The following RANBP2 variants were observed in gnomAD, a reference collection of about 807,000 sequenced individuals.
RANBP2 encodes the protein RAN binding protein 2, also known as E3 SUMO-protein ligase RanBP2.
RANBP2 carries 57 observed loss-of-function variants against 303.6 expected under a neutral mutation model. The ratio of observed to expected loss-of-function variants is 0.19; its 90% confidence interval spans 0.15 to 0.23. RANBP2 has a LOEUF of 0.23. RANBP2 is among the 10% of genes least tolerant of loss of function. The probability of loss-of-function intolerance (pLI) is 1.00; values close to 1 mark genes in which losing one functional copy is unlikely to be tolerated. For missense variants in RANBP2, 3,138 were observed against 3,780.8 expected (o/e 0.83, Z 4.46); for synonymous variants, 1,167 against 1,301.5 (o/e 0.90, Z 2.23).
the RANBP2 span, among the ~76,000 whole-genome samples, chr2:109,531,411 C>T: frequency 5.3e-5 from 8 of 152,154 alleles, no homozygotes; most frequent in South Asian, 4.1e-4. Flanking sequence ...TCTGGCACTG[C>T]GCACTTACAA....
the RANBP2 span, among the ~76,000 whole-genome samples, chr2:109,608,929 A>G: frequency 6.6e-6 from 1 of 152,228 alleles, no homozygotes; most frequent in East Asian, 1.9e-4. Flanking sequence ...GATAAATCAC[A>G]TTAATATGGT....
the RANBP2 span, among the ~76,000 whole-genome samples, chr2:109,237,608 AT>A: frequency 3.9e-5 from 6 of 152,132 alleles, no homozygotes; most frequent in East Asian, 7.7e-4. Flanking sequence ...GTGTGTGTGA[AT>A]TTTTTTTAAA....
At chr2:109,137,737 T>C in the RANBP2 span, among the ~76,000 whole-genome samples, 1 of 152,244 alleles carries the variant, frequency 6.6e-6, no homozygotes, top group East Asian at 1.9e-4. Context: ...CTAATCTCAT[T>C]AGACACCACC....
the RANBP2 span, among the ~76,000 whole-genome samples, chr2:109,559,911 CTTTT>C: frequency 2.6e-4 from 30 of 117,550 alleles, no homozygotes; most frequent in African/African-American, 8.3e-4. Context: ...CAACCAATGC[CTTTT>C]TTTTTTTTTT....
chr2:109,608,362 C>T, the RANBP2 span, among the ~76,000 whole-genome samples: 2 of 152,004 alleles, frequency 1.3e-5, no homozygotes, highest in Non-Finnish European at 2.9e-5. Flanking sequence ...CTATGTAACA[C>T]GCACTCTAAG....
At chr2:109,399,150 A>C in the RANBP2 span, among the ~76,000 whole-genome samples, 1 of 151,978 alleles carries the variant, frequency 6.6e-6, no homozygotes, top group Non-Finnish European at 1.5e-5. Context: ...CCTGGTTCAG[A>C]AGATGGCCTC....
At chr2:109,030,256 C>T in the RANBP2 span, among the ~76,000 whole-genome samples, 1 of 152,188 alleles carries the variant, frequency 6.6e-6, no homozygotes, top group African/African-American at 2.4e-5. Context: ...GCAGGCCATG[C>T]GCTCAAGTGC....
chr2:109,449,554 C>CT, the RANBP2 span: 2 of 1,551,828 alleles, frequency 1.3e-6, no homozygotes, highest in Non-Finnish European at 1.7e-6. Flanking sequence ...CTTTTTGGCA[C>CT]TAGATGGCAG....
the RANBP2 span, among the ~76,000 whole-genome samples, chr2:109,308,644 C>A: frequency 1.9e-5 from 1 of 53,262 alleles, no homozygotes; most frequent in Non-Finnish European, 2.9e-5. Flanking sequence ...CTACATATGG[C>A]TAGCCAATTT....
At chr2:109,289,872 G>C in the RANBP2 span, among the ~76,000 whole-genome samples, 1 of 152,130 alleles carries the variant, frequency 6.6e-6, no homozygotes, top group Non-Finnish European at 1.5e-5. Context: ...GTATCGCATT[G>C]CGGGTTTGAA....
At chr2:109,043,895 G>C in the RANBP2 span, among the ~76,000 whole-genome samples, 1 of 152,188 alleles carries the variant, frequency 6.6e-6, no homozygotes, top group Non-Finnish European at 1.5e-5. Context: ...TGGCCCCCTG[G>C]TTAGGAAGCT....
chr2:109,652,240 T>G, the RANBP2 span, among the ~76,000 whole-genome samples: 5 of 151,886 alleles, frequency 3.3e-5, no homozygotes, highest in Non-Finnish European at 5.9e-5. Context: ...TTTTTTTTTT[T>G]GAGACGGAGT....
chr2:108,773,567 A>G (rs1677658812), intron 23 of RANBP2, among the ~76,000 whole-genome samples: 1 of 152,208 alleles, frequency 6.6e-6, no homozygotes, highest in South Asian at 2.1e-4. Context: ...TGGATTGGAA[A>G]ACTCAAAATA....
chr2:109,445,441 G>A, the RANBP2 span, among the ~76,000 whole-genome samples: 1 of 152,192 alleles, frequency 6.6e-6, no homozygotes, highest in Admixed American at 6.5e-5. Context: ...CCAGAGGGCA[G>A]ATACAGATTA....
the RANBP2 span, among the ~76,000 whole-genome samples, chr2:108,917,441 G>A: frequency 2.0e-5 from 3 of 151,378 alleles, no homozygotes; most frequent in South Asian, 2.1e-4. Context: ...AGTGATAAAC[G>A]TTTGAGGTCA....
At chr2:108,943,054 C>T in the RANBP2 span, among the ~76,000 whole-genome samples, 8 of 152,214 alleles carry the variant, frequency 5.3e-5, no homozygotes, top group Non-Finnish European at 1.0e-4. Context: ...TTACATGTCC[C>T]TTTCAGAGTG....
chr2:109,389,525 G>A, the RANBP2 span, among the ~76,000 whole-genome samples: 1 of 152,162 alleles, frequency 6.6e-6, no homozygotes, highest in African/African-American at 2.4e-5. Context: ...TTCTTAAAAA[G>A]GCCGGTCAGG....
At chr2:109,081,132 A>T in the RANBP2 span, among the ~76,000 whole-genome samples, 4 of 152,198 alleles carry the variant, frequency 2.6e-5, no homozygotes, top group Non-Finnish European at 5.9e-5. Context: ...ATAAAATCTC[A>T]CTCAGGTTAA....
the RANBP2 span, among the ~76,000 whole-genome samples, chr2:108,966,155 G>A: frequency 6.6e-6 from 1 of 152,088 alleles, no homozygotes; most frequent in Admixed American, 6.6e-5. Context: ...TTTGAAGCAA[G>A]CCTCTCCTCC....
Sources: gnomAD v4.1 joint callset for allele counts (sites outside exome capture counted in the v4.1 genomes callset) on GRCh38, gnomAD v4.1.1 for gene constraint, MANE v1.5 for transcripts, NCBI Gene and HGNC (gene_info 2026-07-23, HGNC 2026-07-21) for gene names.